LCOR: variants seen among roughly 807,000 people sequenced by gnomAD.
The protein encoded by LCOR is ligand dependent nuclear receptor corepressor, also known as ligand-dependent corepressor.
LCOR carries 14 observed loss-of-function variants against 64.4 expected under a neutral mutation model. That is an observed-to-expected ratio of 0.22 (90% CI 0.14 to 0.34). The LOEUF (loss-of-function observed/expected upper bound fraction) is 0.34, where lower values mean the gene tolerates loss of function less well. Ranked by LOEUF, LCOR falls within the 10% of genes least tolerant of loss-of-function variation. LCOR has a pLI of 1.00. For synonymous variants in LCOR, 643 were observed against 642.5 expected, an observed-to-expected ratio of 1.00 and a Z score of -0.01; for missense variants, 1,686 against 1,765.3, an observed-to-expected ratio of 0.96 and a Z score of 0.80.
chr10:96,956,787 T>C (rs1481250471), intron 7 of LCOR: 4 of 985,776 alleles, frequency 4.1e-6, no homozygotes, highest in Non-Finnish European at 4.8e-6. Flanking sequence ...CAATGGAGGA[T>C]GCCTCATTTT....
At chr10:96,949,351 G>GAAA in intron 6 of LCOR, 56 bp downstream of exon 6, 3 of 1,313,908 alleles carry the variant, frequency 2.3e-6, no homozygotes, top group African/African-American at 1.5e-5. Context: ...ACTTTGGGGA[G>GAAA]AAAAAAAAAA....
At chr10:96,942,285 A>T (rs1433854945) in intron 4 of LCOR, among the ~76,000 whole-genome samples, 1 of 152,104 alleles carries the variant, frequency 6.6e-6, no homozygotes, top group Admixed American at 6.5e-5. Context: ...ACCAAAAAAA[A>T]AACGAAAACC....
Position 96,848,672 on chromosome 10 carries a change from A to AACAAC in LCOR, c.-330+15195_-330+15199dup, listed in dbSNP as rs1452710957. On this transcript the variant is annotated intron_variant, in intron 2 of 7. Transcript: ENST00000421806. ...AAACTCCATCTCAAAAACAAAACAAAACAACAAAAAATAAAAACTGGATGC... is the reference window on the plus strand; with the variant it reads ...AAACTCCATCTCAAAAACAAAACAAAACAACACAACAAAAAATAAAAACTGGATGC... Among the ~76,000 whole-genome samples, 4 of 152,132 alleles carry AACAAC rather than the reference A, an allele frequency of 2.6e-5. No homozygotes were observed. The East Asian group carries it at 7.7e-4, about 29-fold the overall frequency.
intron 2 of LCOR, among the ~76,000 whole-genome samples, chr10:96,880,033 A>T (rs1283143933): frequency 6.6e-6 from 1 of 152,216 alleles, no homozygotes; most frequent in Non-Finnish European, 1.5e-5. Context: ...GGATTTGTGG[A>T]TTAAGGGTGT....
chr10:96,915,407 G>C (rs985616338), intron 4 of LCOR, among the ~76,000 whole-genome samples: 35 of 152,174 alleles, frequency 2.3e-4, no homozygotes, highest in Non-Finnish European at 1.3e-4. Flanking sequence ...TGTAGTCCCA[G>C]CTACTTGGGA....
intron 7 of LCOR, among the ~76,000 whole-genome samples, chr10:96,952,964 A>G (rs971713633): frequency 7.2e-5 from 11 of 152,190 alleles, no homozygotes; most frequent in Non-Finnish European, 1.6e-4. Flanking sequence ...AGGCTTATTG[A>G]ACTTTCAGAT....
intron 4 of LCOR, among the ~76,000 whole-genome samples, chr10:96,941,935 A>G (rs1243205439): frequency 1.1e-4 from 12 of 107,532 alleles, no homozygotes; most frequent in African/African-American, 3.3e-4. Context: ...GCGGCCGGGC[A>G]GAGACGCTCC....
chr10:96,992,441 CAGAA>C lies in LCOR; in HGVS notation c.*7310_*7313del, dbSNP rs1848209195. The stretch of plus-strand genomic sequence containing the variant: ...TTGAGCCCCCAAACAACAGTGAAAG[CAGAA>C]AGGTGTGGCCTTGAAACCTTCACTG... On this transcript the variant is annotated 3_prime_UTR_variant, in exon 8 of 8. Transcript: ENST00000421806. 6.6e-6 allele frequency: 1 copy of C among 152,260 alleles called. No homozygotes were observed. Among genetic ancestry groups the C allele is most frequent in the African/African-American group, 2.4e-5 (1 of 41,474 alleles). 9.4% of individuals were successfully genotyped at this position (152,260 alleles called of 1,614,324 possible). A position where few individuals can be genotyped will look rare whatever the true frequency, so the allele number is the denominator to read the frequency against.
intron 2 of LCOR, among the ~76,000 whole-genome samples, chr10:96,859,860 G>T (rs1845860298): frequency 1.3e-5 from 2 of 152,100 alleles, no homozygotes; most frequent in South Asian, 4.2e-4. Flanking sequence ...CTGGCCTGAT[G>T]TGTCTCTTTC....
intron 2 of LCOR, among the ~76,000 whole-genome samples, chr10:96,883,827 A>T (rs936139105): frequency 3.9e-5 from 6 of 152,118 alleles, no homozygotes; most frequent in Non-Finnish European, 7.4e-5. Context: ...TTTTTAATTA[A>T]TGAATTATTT....
chr10:96,848,942 G>A (rs536125559), intron 2 of LCOR, among the ~76,000 whole-genome samples: 5 of 142,460 alleles, frequency 3.5e-5, no homozygotes, highest in African/African-American at 1.0e-4. Flanking sequence ...AAAATAAATA[G>A]ATCTATGTTT....
At chr10:96,872,812 A>C (rs752330268) in intron 2 of LCOR, among the ~76,000 whole-genome samples, 4 of 152,224 alleles carry the variant, frequency 2.6e-5, no homozygotes, top group Non-Finnish European at 5.9e-5. Flanking sequence ...GAATCACAAT[A>C]GAGGAAGATG....
At position 96,982,384 on chromosome 10, in the gene LCOR, A is replaced by C. The variant is rs1413965917; in HGVS notation, c.1924A>C (p.Ser642Arg). ...CTCCACAGTCTCAGCTCCCACAGCA[A>C]GTGGGATGTCTTCTCCTGAACACAA... is the stretch of plus-strand genomic sequence containing the variant. ...GGSTVSAPTASGMSSPEHNQP... is the reference protein window; with the variant it reads ...GGSTVSAPTARGMSSPEHNQP... The change falls in exon 8 of 8, where the codon AGT becomes CGT. Residue 642 changes from serine (S) to arginine (R), a missense_variant. This residue lies in a region of LCOR where 1,293 missense variants were observed against 1,410.4 expected (regional missense o/e 0.92). Coordinates refer to ENST00000421806, the MANE Select transcript of LCOR (RefSeq NM_001346516.2). 2 of 1,614,052 alleles carry C rather than the reference A, an allele frequency of 1.2e-6. No homozygotes were observed. Among genetic ancestry groups the C allele is most frequent in the African/African-American group, 2.7e-5 (2 of 74,924 alleles).
At chr10:96,832,929 C>A in intron 1 of LCOR, 1 of 948,800 alleles carries the variant, frequency 1.1e-6, no homozygotes, top group Non-Finnish European at 1.3e-6. Flanking sequence ...CGGCGGGCTG[C>A]AGGCGGGCGC....
intron 2 of LCOR, among the ~76,000 whole-genome samples, chr10:96,856,070 A>T (rs889757543): frequency 2.7e-5 from 4 of 147,740 alleles, no homozygotes; most frequent in Non-Finnish European, 5.9e-5. Flanking sequence ...ATTTTATTTT[A>T]TTTATTTAGT....
chr10:96,899,414 A>C (rs1846596108), intron 2 of LCOR, among the ~76,000 whole-genome samples: 3 of 152,122 alleles, frequency 2.0e-5, no homozygotes, highest in Admixed American at 2.0e-4. Context: ...ATTAAATGTG[A>C]GATTTAAAAA....
intron 2 of LCOR, among the ~76,000 whole-genome samples, chr10:96,845,009 C>T (rs936130522): frequency 2.6e-5 from 4 of 152,070 alleles, no homozygotes; most frequent in Non-Finnish European, 4.4e-5. Flanking sequence ...CCTTCTGTGA[C>T]TTAAATTTAG....
intron 2 of LCOR, among the ~76,000 whole-genome samples, chr10:96,899,280 G>T (rs542632775): frequency 6.6e-6 from 1 of 152,170 alleles, no homozygotes; most frequent in Non-Finnish European, 1.5e-5. Flanking sequence ...ATAGTAGTGG[G>T]AAAGCATGTT....
intron 4 of LCOR, among the ~76,000 whole-genome samples, chr10:96,938,071 C>A (rs1306846658): frequency 6.6e-6 from 1 of 152,274 alleles, no homozygotes; most frequent in South Asian, 2.1e-4. Flanking sequence ...CCTGCCTCAG[C>A]CCCCAAGTAG....
Sources: gnomAD v4.1 joint callset for allele counts (sites outside exome capture counted in the v4.1 genomes callset) on GRCh38, gnomAD v4.1.1 for gene constraint, gnomAD v4.1.1 regional missense constraint, MANE v1.5 for transcripts, NCBI Gene and HGNC (gene_info 2026-07-23, HGNC 2026-07-21) for gene names.